Variants in MSL2 observed in about 807,000 individuals in gnomAD.
MSL2 encodes E3 ubiquitin-protein ligase MSL2.
MSL2 carries 2 observed loss-of-function variants against 35.8 expected under a neutral mutation model. That is an observed-to-expected ratio of 0.06 (90% CI 0.02 to 0.18). MSL2 has a LOEUF of 0.18. MSL2 is among the 10% of genes least tolerant of loss of function. The pLI, the probability that MSL2 is intolerant of heterozygous loss-of-function variation, is 1.00. For synonymous variants in MSL2, 296 were observed against 255.7 expected (o/e 1.16, Z -1.50); for missense variants, 523 against 706.7 (o/e 0.74, Z 2.95).
In MSL2 at chr3:136,151,083, A is replaced by AC; in HGVS notation, c.*63dup. 1 of 1,545,132 alleles carries AC rather than the reference A, an allele frequency of 6.5e-7. No homozygotes were observed. Among genetic ancestry groups the AC allele is most frequent in the Non-Finnish European group, 8.8e-7 (1 of 1,133,956 alleles). On this transcript the variant is annotated 3_prime_UTR_variant, in exon 2 of 2. Coordinates refer to ENST00000309993, the MANE Select transcript of MSL2 (RefSeq NM_018133.4). This position sits in a 1 kb window ranked among gnomAD's most constrained non-coding sequence, Gnocchi z 5.2. ...AGCTCCGGCAAGTTAAACCAACAGA[A>AC]CCATAGCTGCCGTAAAACTGTAGCT...
At chr3:136,188,715 G>A (rs1265521723) in intron 1 of MSL2, among the ~76,000 whole-genome samples, 2 of 105,394 alleles carry the variant, frequency 1.9e-5, no homozygotes, top group South Asian at 3.5e-4. Flanking sequence ...AAGAGAGCAA[G>A]ACCCTGTCTC....
At chr3:136,169,242 G>T (rs1411493364) in intron 1 of MSL2, among the ~76,000 whole-genome samples, 2 of 100,328 alleles carry the variant, frequency 2.0e-5, no homozygotes, top group Non-Finnish European at 4.1e-5. Flanking sequence ...GGGGGGGGGG[G>T]GGGGGGGGGG....
intron 1 of MSL2, among the ~76,000 whole-genome samples, chr3:136,162,059 T>C (rs1480499967): frequency 6.6e-6 from 1 of 151,680 alleles, no homozygotes; most frequent in African/African-American, 2.4e-5. Context: ...TGCCTCAGTC[T>C]CCCGAGTAGC....
At position 136,195,000 on chromosome 3, in the gene MSL2, G is replaced by A; in HGVS notation, c.114C>T (p.Phe38=). The A allele has an allele frequency of 6.2e-7, 1 of 1,613,952 alleles. No homozygotes were observed. Among genetic ancestry groups the A allele is most frequent in the Non-Finnish European group, 8.5e-7 (1 of 1,179,988 alleles). ...FTEINRLLPY[F]RQSLSCCVCG... ...AAACACAGCACGAAAGGGACTGTCGGAAGTAAGGCAAGAGCCTGTTAATCT... is the reference window on the plus strand; with the variant it reads ...AAACACAGCACGAAAGGGACTGTCGAAAGTAAGGCAAGAGCCTGTTAATCT... Residue 38 remains phenylalanine (F), a synonymous_variant, in exon 1 of 2, where the codon TTC becomes TTT. Transcript: ENST00000309993.
At chr3:136,192,545 G>A (rs1460234831) in intron 1 of MSL2, among the ~76,000 whole-genome samples, 1 of 151,470 alleles carries the variant, frequency 6.6e-6, no homozygotes, top group Non-Finnish European at 1.5e-5. Context: ...TTAGAAAAAA[G>A]TAGTGTTTTA....
rs1326184169 is a variant in MSL2 at position 136,149,247 on chromosome 3, C to G, written c.*1900G>C. Reference sequence around the variant, plus strand: ...ATATATCCTCATCCATGTGTACAATCTCATTTCTAATCATTTTTGCAGTGA... The same window carrying G: ...ATATATCCTCATCCATGTGTACAATGTCATTTCTAATCATTTTTGCAGTGA... On this transcript the variant is annotated 3_prime_UTR_variant, in exon 2 of 2. Coordinates refer to ENST00000309993, the MANE Select transcript of MSL2 (RefSeq NM_018133.4). The G allele has an allele frequency of 2.0e-5, 3 of 152,370 alleles. No homozygotes were observed. The highest frequency in any genetic ancestry group is 7.2e-5 in the African/African-American group (3 of 41,410). The allele number at this position is 152,370 out of a possible 1,614,324, so 9.4% of individuals were successfully genotyped here. A position where few individuals can be genotyped will look rare whatever the true frequency, so the allele number is the denominator to read the frequency against.
Position 136,195,488 on chromosome 3 carries a change from A to G in MSL2, c.-375T>C, listed in dbSNP as rs2108103387. 5 of 1,016,742 alleles carry G rather than the reference A, an allele frequency of 4.9e-6. No homozygotes were observed. The highest frequency in any genetic ancestry group is 5.9e-6 in the Non-Finnish European group (5 of 850,110). 63.0% of individuals were successfully genotyped at this position (1,016,742 alleles called of 1,614,324 possible). A position where few individuals can be genotyped will look rare whatever the true frequency, so the allele number is the denominator to read the frequency against. ...ACTCGAGCTCCATCTCCGGACACGG[A>G]GGCGCCTCCTCAAGTCGAGCTGGCA... On this transcript the variant is annotated 5_prime_UTR_variant, in exon 1 of 2. Coordinates refer to ENST00000309993, the MANE Select transcript of MSL2 (RefSeq NM_018133.4).
chr3:136,158,268 T>C (rs1939589776), intron 1 of MSL2, among the ~76,000 whole-genome samples: 1 of 150,096 alleles, frequency 6.7e-6, no homozygotes, highest in African/African-American at 2.5e-5. Flanking sequence ...GCCGAGATCA[T>C]GCCACTGCAC....
chr3:136,155,766 A>C, intron 1 of MSL2: 1 of 555,014 alleles, frequency 1.8e-6, no homozygotes, highest in South Asian at 1.4e-5. Flanking sequence ...AGCACCATGT[A>C]CGTATGCAAA....
chr3:136,185,462 T>C (rs892522899), intron 1 of MSL2, among the ~76,000 whole-genome samples: 1 of 145,974 alleles, frequency 6.9e-6, no homozygotes, highest in African/African-American at 2.5e-5. Context: ...GACACAAAAA[T>C]CACCCTTTTA....
intron 1 of MSL2, among the ~76,000 whole-genome samples, chr3:136,188,010 T>A (rs1055127772): frequency 6.6e-6 from 1 of 152,076 alleles, no homozygotes; most frequent in Admixed American, 6.6e-5. Flanking sequence ...GGATCAAAAC[T>A]CTCCACACAA....
chr3:136,170,076 T>G (rs1368734399), intron 1 of MSL2, among the ~76,000 whole-genome samples: 1 of 143,248 alleles, frequency 7.0e-6, no homozygotes, highest in East Asian at 2.1e-4. Context: ...GGGCGGTGGC[T>G]CATGTCTATA....
At chr3:136,191,779 A>C (rs2108098978) in intron 1 of MSL2, among the ~76,000 whole-genome samples, 1 of 152,304 alleles carries the variant, frequency 6.6e-6, no homozygotes, top group South Asian at 2.1e-4. Context: ...TTTCAATAAA[A>C]AGTTTTTTCA....
Position 136,151,922 on chromosome 3 carries a change from C to T in MSL2, c.959G>A (p.Ser320Asn), listed in dbSNP as rs1559954925. 7 of 1,614,160 alleles carry T rather than the reference C, an allele frequency of 4.3e-6. No individual in the cohort carries two copies. Among genetic ancestry groups the T allele is most frequent in the Non-Finnish European group, 5.9e-6 (7 of 1,180,030 alleles). Residue 320 changes from serine (S) to asparagine (N), a missense_variant, in exon 2 of 2, where the codon AGT becomes AAT. This residue lies in a region of MSL2 where 361 missense variants were observed against 414.6 expected (regional missense o/e 0.87). Coordinates refer to ENST00000309993, the MANE Select transcript of MSL2 (RefSeq NM_018133.4). This position sits in a 1 kb window ranked among gnomAD's most constrained non-coding sequence, Gnocchi z 5.2. ...SLSHNVFMSTSPALHGLSCTA... is the reference protein window; with the variant it reads ...SLSHNVFMSTNPALHGLSCTA... ...ACATGATAACCCATGAAGTGCAGGA[C>T]TGGTGGACATAAAAACATTATGGCT...
chr3:136,192,589 AAAAAAG>A (rs1027790281), intron 1 of MSL2, among the ~76,000 whole-genome samples: 2 of 152,174 alleles, frequency 1.3e-5, no homozygotes, highest in East Asian at 1.9e-4. Context: ...AAGATAAAAA[AAAAAAG>A]AAAAAGATAT....
chr3:136,196,010 G>C lies in MSL2; in HGVS notation c.-897C>G, dbSNP rs1482690409. On this transcript the variant is annotated 5_prime_UTR_variant, in exon 1 of 2. Transcript: ENST00000309993. ...CGCCACACACACAGACGACTCCTCC[G>C]CCGAGCACGACGGCCGCCGCCGCCC... is the stretch of plus-strand genomic sequence containing the variant. 5.5e-6 allele frequency: 1 copy of C among 180,288 alleles called. No homozygotes were observed. The highest frequency in any genetic ancestry group is 2.4e-5 in the African/African-American group (1 of 41,690). 11.2% of individuals were successfully genotyped at this position (180,288 alleles called of 1,614,324 possible).
chr3:136,161,270 AC>A (rs1401133403), intron 1 of MSL2, among the ~76,000 whole-genome samples: 2 of 152,224 alleles, frequency 1.3e-5, no homozygotes, highest in African/African-American at 4.8e-5. Flanking sequence ...AAAATGTAAA[AC>A]AGGTACAACA....
rs769782282 is a variant in MSL2, at chr3:136,152,539, T to C, written c.342A>G (p.Thr114=). 6.2e-6 allele frequency: 10 copies of C among 1,614,120 alleles called. No individual in the cohort carries two copies. The South Asian group carries it at 9.9e-5, about 16-fold the overall frequency. The change falls in exon 2 of 2, where the codon ACA becomes ACG. Residue 114 remains threonine (T), a synonymous_variant. Transcript: ENST00000309993. ...KKLCEYITQT[T]LARDIIEAVD... Reference sequence around the variant, plus strand: ...CTGCTTCTATTATATCCCGTGCCAGTGTAGTCTGTGTTATATACTCGCATA... The same window carrying C: ...CTGCTTCTATTATATCCCGTGCCAGCGTAGTCTGTGTTATATACTCGCATA...
chr3:136,153,209 G>A (rs1176788440), intron 1 of MSL2: 2 of 287,814 alleles, frequency 6.9e-6, no homozygotes, highest in Non-Finnish European at 1.0e-5. Context: ...ACTCCCGCCT[G>A]GGTGACAAAG....
Sources: gnomAD v4.1 joint callset for allele counts (sites outside exome capture counted in the v4.1 genomes callset) on GRCh38, gnomAD v4.1.1 for gene constraint, gnomAD v4.1.1 regional missense constraint, Gnocchi (gnomAD v3.1) non-coding constraint, MANE v1.5 for transcripts, NCBI Gene and HGNC (gene_info 2026-07-23, HGNC 2026-07-21) for gene names.